Variants in TMEM223 observed in about 807,000 individuals in gnomAD.
TMEM223 encodes transmembrane protein 223.
Under a neutral mutation model 14.1 loss-of-function variants are expected in TMEM223, and 14 were observed. The ratio of observed to expected loss-of-function variants is 0.99; its 90% CI spans 0.66 to 1.55. TMEM223 has a LOEUF of 1.55. Among genes scored for constraint, TMEM223 ranks in the 40% most tolerant of loss-of-function variants. The probability of loss-of-function intolerance (pLI) is 0.00; values close to 1 mark genes in which losing one functional copy is unlikely to be tolerated. For missense variants in TMEM223, 346 were observed against 269.9 expected (o/e 1.28, Z -1.97); for synonymous variants, 145 against 120.5 (o/e 1.20, Z -1.33).
At chr11:62,787,145 G>T, downstream of TMEM223, 1 of 1,568,978 alleles carries the variant, frequency 6.4e-7, no homozygotes, top group Non-Finnish European at 8.6e-7. Context: ...GGGAGGCGCT[G>T]CCGCGGGCGC....
At chr11:62,780,823 G>C (rs1565188560) in intron 1 of TMEM223, among the ~76,000 whole-genome samples, 2 of 150,854 alleles carry the variant, frequency 1.3e-5, no homozygotes, top group African/African-American at 2.4e-5. Flanking sequence ...TGTAATCCTA[G>C]CTACTTGCGA....
chr11:62,781,994 G>C (rs181124445), intron 1 of TMEM223: 1 of 1,612,698 alleles, frequency 6.2e-7, no homozygotes, highest in Non-Finnish European at 8.5e-7. Context: ...GGGACAGGGA[G>C]AATGTTTTAT....
intron 1 of TMEM223, chr11:62,774,815 G>T: frequency 3.1e-6 from 1 of 321,070 alleles, no homozygotes. Context: ...TGGGCGTGGT[G>T]GCACGTGCCT....
At chr11:62,788,783 C>T (rs1005243987), downstream of TMEM223, among the ~76,000 whole-genome samples, 2 of 151,910 alleles carry the variant, frequency 1.3e-5, no homozygotes, top group Non-Finnish European at 2.9e-5. Context: ...TGTGAGGCTT[C>T]TCTGAAGCTC....
At chr11:62,789,318 T>C (rs753716312), downstream of TMEM223, 6 of 1,614,064 alleles carry the variant, frequency 3.7e-6, no homozygotes, top group South Asian at 5.5e-5. Context: ...CGCATTGCAC[T>C]GGCCATCTCA....
Position 62,790,221 on chromosome 11 carries a change from AATATT to A in TMEM223, c.*397_*401del. 5.8e-6 allele frequency: 4 copies of A among 693,778 alleles called. No homozygotes were observed. Among genetic ancestry groups the A allele is most frequent in the South Asian group, 2.1e-5 (1 of 47,790 alleles). 43.0% of individuals were successfully genotyped at this position (693,778 alleles called of 1,614,324 possible). A position where few individuals can be genotyped will look rare whatever the true frequency, so the allele number is the denominator to read the frequency against. On this transcript the variant is annotated 3_prime_UTR_variant, in exon 2 of 2. Transcript: ENST00000307366. ...CTTCCTGCAGCTGTTTTTGTACCAA[AATATT>A]ATATTACTGTCTTCATCTTAGTAGT...
downstream of TMEM223, chr11:62,787,367 C>T (rs1324443368): frequency 3.9e-6 from 6 of 1,538,054 alleles, 1 homozygote; most frequent in Admixed American, 8.1e-5. Context: ...TCGTGGGTCG[C>T]GCCGGATAAG....
At chr11:62,777,540 G>C (rs1163567142) in intron 1 of TMEM223, among the ~76,000 whole-genome samples, 1 of 152,074 alleles carries the variant, frequency 6.6e-6, no homozygotes. Context: ...CTTGAGCTTG[G>C]CTTAAACTAG....
chr11:62,786,150 T>C (rs2084272812), downstream of TMEM223: 5 of 1,379,000 alleles, frequency 3.6e-6, no homozygotes, highest in Non-Finnish European at 5.0e-6. Flanking sequence ...TTTAGGAGGA[T>C]TGAGCCCTGT....
chr11:62,775,468 A>C lies in TMEM223; in HGVS notation c.315-803T>G, dbSNP rs569019258. ...AATTATTGTGCCTGTTTTACAGTTT[A>C]GGACACAAGGGCTCAGACTGATGAA... On this transcript the variant is annotated intron_variant, in intron 1 of 2. Transcript: ENST00000528367. Among the ~76,000 whole-genome samples the C allele has an allele frequency of 4.6e-5, 7 of 152,370 alleles. No homozygotes were observed. The South Asian group carries it at 1.4e-3, about 32-fold the overall frequency.
chr11:62,773,677 A>ATTCGCCCGCCTTGG (rs2084165863), intron 2 of TMEM223, among the ~76,000 whole-genome samples: 1 of 150,986 alleles, frequency 6.6e-6, no homozygotes, highest in African/African-American at 2.4e-5. Flanking sequence ...TGAACTCCTG[A>ATTCGCCCGCCTTGG]CCTCAGGTGA....
At chr11:62,779,017 C>CTT in intron 1 of TMEM223, 30 of 1,263,606 alleles carry the variant, frequency 2.4e-5, no homozygotes, top group Non-Finnish European at 2.9e-5. Flanking sequence ...AATTCTAGAC[C>CTT]TGTTTTTTTT....
At chr11:62,784,723 C>T (rs2084257741), downstream of TMEM223, among the ~76,000 whole-genome samples, 2 of 152,126 alleles carry the variant, frequency 1.3e-5, no homozygotes, top group African/African-American at 4.8e-5. Flanking sequence ...TACAGATTTC[C>T]TGATAGTAAA....
chr11:62,777,458 G>T (rs1241915914), intron 1 of TMEM223, among the ~76,000 whole-genome samples: 1 of 152,202 alleles, frequency 6.6e-6, no homozygotes, highest in Non-Finnish European at 1.5e-5. Context: ...GAGGCCACTG[G>T]AGGCCCAGAG....
intron 1 of TMEM223, among the ~76,000 whole-genome samples, chr11:62,780,300 C>G (rs1290040653): frequency 1.3e-5 from 2 of 150,922 alleles, no homozygotes; most frequent in East Asian, 4.0e-4. Flanking sequence ...CACCTGAGGT[C>G]AGGAGTTCAA....
At chr11:62,787,052 G>A, downstream of TMEM223, 2 of 1,522,680 alleles carry the variant, frequency 1.3e-6, no homozygotes, top group Non-Finnish European at 1.8e-6. Flanking sequence ...CCCGGGACCG[G>A]CACCCGCGAC....
chr11:62,781,315 C>T (rs139435026), intron 1 of TMEM223, among the ~76,000 whole-genome samples: 15 of 151,548 alleles, frequency 9.9e-5, no homozygotes, highest in African/African-American at 3.1e-4. Context: ...ACTATGATTA[C>T]TCTCATAAAA....
At chr11:62,775,332 T>C (rs2084178797) in intron 1 of TMEM223, among the ~76,000 whole-genome samples, 1 of 152,188 alleles carries the variant, frequency 6.6e-6, no homozygotes, top group Non-Finnish European at 1.5e-5. Context: ...CTGGTCCCGC[T>C]CTTGACACGT....
At chr11:62,789,101 G>A (rs2084326917), downstream of TMEM223, 1 of 1,614,190 alleles carries the variant, frequency 6.2e-7, no homozygotes, top group South Asian at 1.1e-5. Flanking sequence ...CCGTCCCTCA[G>A]CACCATCCCT....
Sources: allele counts gnomAD v4.1 joint callset (sites outside exome capture counted in the v4.1 genomes callset), GRCh38; gene constraint gnomAD v4.1.1; transcripts MANE v1.5; gene names NCBI Gene and HGNC (gene_info 2026-07-23, HGNC 2026-07-21).